The following PANK3 variants were observed in gnomAD, a reference collection of about 807,000 sequenced individuals.
The protein encoded by PANK3 is pantothenate kinase 3.
PANK3 carries 20 observed loss-of-function variants against 39.4 expected under a neutral mutation model. The ratio of observed to expected loss-of-function variants is 0.51; its 90% CI spans 0.36 to 0.74. The LOEUF is 0.74. PANK3 is among the 30% of genes least tolerant of loss of function. The probability of loss-of-function intolerance (pLI) is 0.00; values close to 1 mark genes in which losing one functional copy is unlikely to be tolerated. For synonymous variants in PANK3, 140 were observed against 157.3 expected (o/e 0.89, Z 0.82); for missense variants, 265 against 437.0 (o/e 0.61, Z 3.51).
intron 6 of PANK3, 29 bp from the exon 7 acceptor site, chr5:168,557,650 A>C: frequency 6.3e-7 from 1 of 1,589,292 alleles, no homozygotes. Flanking sequence ...ACTGTTATGT[A>C]GTACAGCTTT....
rs1013302836 is a variant in PANK3 at position 168,553,615 on chromosome 5, A to G, written c.*3956T>C. The G allele has an allele frequency of 2.5e-4, 59 of 238,688 alleles. 1 individual carries two copies. In the Admixed American group the frequency reaches 2.9e-3, roughly 12 times the overall value. 14.8% of individuals were successfully genotyped at this position (238,688 alleles called of 1,614,324 possible). On this transcript the variant is annotated 3_prime_UTR_variant, in exon 7 of 7. Coordinates refer to ENST00000239231, the MANE Select transcript of PANK3 (RefSeq NM_024594.4). ...GAAAGTCCTGTATGACTGTCTCAGG[A>G]GCACTGATGACTCCAATGTTGTAGC...
intron 6 of PANK3, among the ~76,000 whole-genome samples, chr5:168,558,153 C>CTTT (rs767440372): frequency 1.2e-4 from 14 of 115,256 alleles, no homozygotes; most frequent in African/African-American, 1.8e-4. Context: ...GACATGGAAG[C>CTTT]TTTTTTTTTT....
chr5:168,564,585 C>A (rs1006418293), intron 3 of PANK3, among the ~76,000 whole-genome samples: 1 of 152,060 alleles, frequency 6.6e-6, no homozygotes, highest in Non-Finnish European at 1.5e-5. Context: ...ATGCACACTA[C>A]CACACTGGAC....
At position 168,556,127 on chromosome 5, in the gene PANK3, G is replaced by C. The variant is rs1759345270; in HGVS notation, c.*1444C>G. 6.6e-6 allele frequency: 1 copy of C among 152,186 alleles called. No homozygotes were observed. Among genetic ancestry groups the C allele is most frequent in the Non-Finnish European group, 1.5e-5 (1 of 68,048 alleles). 9.4% of individuals were successfully genotyped at this position (152,186 alleles called of 1,614,324 possible). A position where few individuals can be genotyped will look rare whatever the true frequency, so the allele number is the denominator to read the frequency against. ...TAAATCTTAAGGTTGAAGGCAGAGG[G>C]CTCAACCCCACTCCAGATTCAGGCA... On this transcript the variant is annotated 3_prime_UTR_variant, in exon 7 of 7. Coordinates refer to ENST00000239231, the MANE Select transcript of PANK3 (RefSeq NM_024594.4).
chr5:168,563,679 T>TA (rs11336922), intron 4 of PANK3, among the ~76,000 whole-genome samples: 45 of 148,654 alleles, frequency 3.0e-4, no homozygotes, highest in Non-Finnish European at 4.3e-4. Flanking sequence ...ACTCAAAAAT[T>TA]AAAAAAAAAA....
chr5:168,575,853 C>T (rs1339686257), intron 1 of PANK3, among the ~76,000 whole-genome samples: 3 of 152,000 alleles, frequency 2.0e-5, no homozygotes, highest in African/African-American at 7.3e-5. Context: ...CTTAATTGTT[C>T]TTTAGGCATA....
At position 168,548,536 on chromosome 5, in the gene PANK3, A is replaced by C. The variant is rs1403652706; in HGVS notation, c.*9035T>G. ...TAATTTATTTAGAAAGTAGAAAATA[A>C]AAAGTATGATTCTAACATCTATTTA... On this transcript the variant is annotated 3_prime_UTR_variant, in exon 7 of 7. Coordinates refer to ENST00000239231, the MANE Select transcript of PANK3 (RefSeq NM_024594.4). 1.3e-5 allele frequency: 2 copies of C among 152,228 alleles called. No homozygotes were observed. The highest frequency in any genetic ancestry group is 4.8e-5 in the African/African-American group (2 of 41,456). The allele number at this position is 152,228 out of a possible 1,614,324, so 9.4% of individuals were successfully genotyped here.
At chr5:168,557,966 T>C (rs111334356) in intron 6 of PANK3, among the ~76,000 whole-genome samples, 2 of 152,104 alleles carry the variant, frequency 1.3e-5, no homozygotes, top group Non-Finnish European at 2.9e-5. Flanking sequence ...ATTCTAAAAG[T>C]GTGGCCTTTA....
intron 1 of PANK3, among the ~76,000 whole-genome samples, chr5:168,569,920 C>T (rs977136968): frequency 2.0e-5 from 3 of 152,060 alleles, no homozygotes. Context: ...GGCGTGGCAG[C>T]ATGCACCTGT....
Position 168,557,334 on chromosome 5 carries a change from C to T in PANK3, c.*237G>A. On this transcript the variant is annotated 3_prime_UTR_variant, in exon 7 of 7. Coordinates refer to ENST00000239231, the MANE Select transcript of PANK3 (RefSeq NM_024594.4). The stretch of plus-strand genomic sequence containing the variant: ...AAAAAAATCTTTTTAAGAGGAAGCT[C>T]AATAATCAGAGGCTGTATTGCATTT... 2.1e-6 allele frequency: 1 copy of T among 483,870 alleles called. No individual in the cohort carries two copies. The allele number at this position is 483,870 out of a possible 1,614,324, so 30.0% of individuals were successfully genotyped here.
In PANK3 at chr5:168,551,239, T is replaced by A. The variant is rs1759268665; in HGVS notation, c.*6332A>T. The A allele has an allele frequency of 6.6e-6, 1 of 152,198 alleles. No homozygotes were observed. The highest frequency in any genetic ancestry group is 1.9e-4 in the East Asian group (1 of 5,206). The allele number at this position is 152,198 out of a possible 1,614,324, so 9.4% of individuals were successfully genotyped here. A position where few individuals can be genotyped will look rare whatever the true frequency, so the allele number is the denominator to read the frequency against. ...ATCTGATGATAGAAACAAAGTTGGC[T>A]GAATTCCTTAGGTATTAGAATAAAC... On this transcript the variant is annotated 3_prime_UTR_variant, in exon 7 of 7. Coordinates refer to ENST00000239231, the MANE Select transcript of PANK3 (RefSeq NM_024594.4).
chr5:168,573,429 A>AAAAAAAAAAAAAAAAAC (rs1759679299), intron 1 of PANK3, among the ~76,000 whole-genome samples: 1 of 145,580 alleles, frequency 6.9e-6, no homozygotes, highest in Non-Finnish European at 1.5e-5. Flanking sequence ...AAAAAAAAAA[A>AAAAAAAAAAAAAAAAAC]AAAAAAAAAA....
intron 4 of PANK3, 76 bp from the exon 5 acceptor site, chr5:168,561,592 A>T: frequency 3.3e-6 from 4 of 1,229,004 alleles, no homozygotes; most frequent in Non-Finnish European, 4.3e-6. Context: ...TATATCTACA[A>T]CCTGGATATT....
chr5:168,569,524 C>T (rs943830891), intron 1 of PANK3, among the ~76,000 whole-genome samples: 1 of 151,956 alleles, frequency 6.6e-6, no homozygotes, highest in Non-Finnish European at 1.5e-5. Context: ...TTTCTAAAAA[C>T]GTATAGGGTG....
rs1349093437 is a variant in PANK3 at position 168,552,453 on chromosome 5, C to T, written c.*5118G>A. On this transcript the variant is annotated 3_prime_UTR_variant, in exon 7 of 7. Coordinates refer to ENST00000239231, the MANE Select transcript of PANK3 (RefSeq NM_024594.4). ...CAGAAATACATAAGCATGCCATGAC[C>T]CTAAAGCAACAACACACTTAAACTA... 6.5e-6 allele frequency: 1 copy of T among 154,428 alleles called. No homozygotes were observed. Among genetic ancestry groups the T allele is most frequent in the African/African-American group, 2.4e-5 (1 of 41,382 alleles). 9.6% of individuals were successfully genotyped at this position (154,428 alleles called of 1,614,324 possible).
rs957011568 is a variant in PANK3, at chr5:168,553,483, G to A, written c.*4088C>T. On this transcript the variant is annotated 3_prime_UTR_variant, in exon 7 of 7. Coordinates refer to ENST00000239231, the MANE Select transcript of PANK3 (RefSeq NM_024594.4). The stretch of plus-strand genomic sequence containing the variant: ...TTGACAAAGAGTGCAACAGAAAGGA[G>A]CCAATCATATCACCATTGGGGAAGA... The A allele has an allele frequency of 2.1e-5, 8 of 374,094 alleles. No homozygotes were observed. Among genetic ancestry groups the A allele is most frequent in the Non-Finnish European group, 4.3e-5 (8 of 187,540 alleles). The allele number at this position is 374,094 out of a possible 1,614,324, so 23.2% of individuals were successfully genotyped here.
chr5:168,574,186 C>A (rs1050584814), intron 1 of PANK3, among the ~76,000 whole-genome samples: 1 of 150,238 alleles, frequency 6.7e-6, no homozygotes, highest in Non-Finnish European at 1.5e-5. Flanking sequence ...CCTGTTGTTT[C>A]CTGACTTTTT....
At chr5:168,565,220 A>G (rs571617549) in intron 3 of PANK3, among the ~76,000 whole-genome samples, 2 of 152,348 alleles carry the variant, frequency 1.3e-5, no homozygotes, top group African/African-American at 2.4e-5. Flanking sequence ...AAATTAATCT[A>G]AAGTATTTGA....
At chr5:168,568,007 C>A (rs535953526) in intron 2 of PANK3, among the ~76,000 whole-genome samples, 81 of 152,266 alleles carry the variant, frequency 5.3e-4, no homozygotes, top group African/African-American at 1.9e-3. Flanking sequence ...AGACTAGAAG[C>A]TTGGCAAACC....
Sources: allele counts gnomAD v4.1 joint callset (sites outside exome capture counted in the v4.1 genomes callset), GRCh38; gene constraint gnomAD v4.1.1; transcripts MANE v1.5; gene names NCBI Gene and HGNC (gene_info 2026-07-23, HGNC 2026-07-21).